CDH20: variants seen among roughly 807,000 people sequenced by gnomAD.
CDH20 encodes cadherin 20.
Under a neutral mutation model 74.2 loss-of-function variants are expected in CDH20, and 29 were observed. The observed-to-expected ratio is 0.39, with a 90% CI of 0.29 to 0.53. CDH20 has a LOEUF of 0.53. CDH20 is among the 20% of genes least tolerant of loss of function. The pLI, the probability that CDH20 is intolerant of heterozygous loss-of-function variation, is 0.69. For synonymous variants in CDH20, 469 were observed against 405.4 expected (o/e 1.16, Z -1.88); for missense variants, 988 against 1,048.3 (o/e 0.94, Z 0.79).
chr18:61,525,694 C>A (rs1912371831), intron 6 of CDH20, among the ~76,000 whole-genome samples: 1 of 151,610 alleles, frequency 6.6e-6, no homozygotes, highest in South Asian at 2.1e-4. Context: ...AAGCAGTAAC[C>A]CAACAACAGC....
At chr18:61,493,054 G>A (rs2062761236) in intron 2 of CDH20, among the ~76,000 whole-genome samples, 1 of 152,110 alleles carries the variant, frequency 6.6e-6, no homozygotes, top group African/African-American at 2.4e-5. Flanking sequence ...TATTAATAGT[G>A]GTAATAGTAA....
At chr18:61,341,926 G>C (rs1361659066) in intron 1 of CDH20, among the ~76,000 whole-genome samples, 1 of 152,032 alleles carries the variant, frequency 6.6e-6, no homozygotes, top group Non-Finnish European at 1.5e-5. Context: ...ATAATATTGG[G>C]AGCATTTATT....
At chr18:61,420,142 T>C (rs1225800894) in intron 1 of CDH20, among the ~76,000 whole-genome samples, 1 of 152,228 alleles carries the variant, frequency 6.6e-6, no homozygotes, top group Non-Finnish European at 1.5e-5. Context: ...ACTGAAACAT[T>C]ACATCTTTCT....
chr18:61,490,414 A>G lies in CDH20; in HGVS notation c.-140A>G, dbSNP rs553884016. 1 of 803,934 alleles carries G rather than the reference A, an allele frequency of 1.2e-6. No individual in the cohort carries two copies. Among genetic ancestry groups the G allele is most frequent in the Admixed American group, 2.4e-5 (1 of 41,966 alleles). The allele number at this position is 803,934 out of a possible 1,614,324, so 49.8% of individuals were successfully genotyped here. A position where few individuals can be genotyped will look rare whatever the true frequency, so the allele number is the denominator to read the frequency against. ...CTTAACTTGACAGGAAGTCAACTTC[A>G]AGCAGATTGACTTGAAACGGGATCT... On this transcript the variant is annotated 5_prime_UTR_variant, in exon 2 of 12. Coordinates refer to ENST00000262717, the MANE Select transcript of CDH20 (RefSeq NM_031891.4).
intron 1 of CDH20, among the ~76,000 whole-genome samples, chr18:61,461,063 G>A (rs1490343772): frequency 6.6e-6 from 1 of 152,050 alleles, no homozygotes; most frequent in African/African-American, 2.4e-5. Flanking sequence ...TAGCAATTTT[G>A]CATTTTGTGA....
Position 61,353,852 on chromosome 18 carries a change from C to A in CDH20, c.-153+20025C>A, listed in dbSNP as rs897664443. ...ATCCCAGCATTTTAGGAGGCCGGGG[C>A]GGTTGGATTGCCTGAACTCTGTAGT... On this transcript the variant is annotated intron_variant, in intron 1 of 11. Transcript: ENST00000262717. This position sits in a 1 kb window ranked among gnomAD's most constrained non-coding sequence, Gnocchi z 4.6. Among the ~76,000 whole-genome samples, 2 of 151,950 alleles carry A rather than the reference C, an allele frequency of 1.3e-5. No homozygotes were observed. The highest frequency in any genetic ancestry group is 2.9e-5 in the Non-Finnish European group (2 of 67,982).
intron 11 of CDH20, among the ~76,000 whole-genome samples, chr18:61,553,341 A>G (rs1040925914): frequency 4.6e-5 from 7 of 152,114 alleles, no homozygotes; most frequent in Non-Finnish European, 1.0e-4. Flanking sequence ...AGAGATAAAT[A>G]GCTCAATGGG....
At chr18:61,504,008 C>T (rs1911475444) in intron 5 of CDH20, among the ~76,000 whole-genome samples, 2 of 138,588 alleles carry the variant, frequency 1.4e-5, no homozygotes, top group South Asian at 5.2e-4. Flanking sequence ...TCCTGGAGCT[C>T]ATTTGAGTAA....
chr18:61,542,769 T>C (rs1913086006), intron 9 of CDH20, among the ~76,000 whole-genome samples: 1 of 152,074 alleles, frequency 6.6e-6, no homozygotes, highest in South Asian at 2.1e-4. Context: ...GCTGCTTCCA[T>C]GCATGGAGGA....
chr18:61,498,003 A>T (rs973707555), intron 2 of CDH20, among the ~76,000 whole-genome samples: 2 of 152,226 alleles, frequency 1.3e-5, no homozygotes, highest in Admixed American at 1.3e-4. Flanking sequence ...CTTGCCACCC[A>T]TACATACTAT....
intron 7 of CDH20, among the ~76,000 whole-genome samples, chr18:61,530,899 C>T (rs1912613610): frequency 6.6e-6 from 1 of 152,220 alleles, no homozygotes. Context: ...AGGATGTCCT[C>T]AGCTAAGTGA....
intron 9 of CDH20, among the ~76,000 whole-genome samples, chr18:61,544,355 A>G (rs1001829967): frequency 1.3e-5 from 2 of 152,238 alleles, no homozygotes; most frequent in African/African-American, 2.4e-5. Flanking sequence ...GACGGCTTGT[A>G]TTAGCTCAAT....
At chr18:61,517,457 C>T (rs143994922) in intron 6 of CDH20, among the ~76,000 whole-genome samples, 2,843 of 152,200 alleles carry the variant, frequency 0.019, 45 homozygotes, top group Non-Finnish European at 0.03. Context: ...CAGGGTGGGG[C>T]GTTACCTCAC....
chr18:61,435,821 G>T lies in CDH20; in HGVS notation c.-152-54581G>T, dbSNP rs187380559. On this transcript the variant is annotated intron_variant, in intron 1 of 11. Transcript: ENST00000262717. ...CCCCCATTTAAAGTGCAAATTCAATGTTTTTTAATATATTCACATAGTTGT... is the reference window on the plus strand; with the variant it reads ...CCCCCATTTAAAGTGCAAATTCAATTTTTTTTAATATATTCACATAGTTGT... 6.7e-3 allele frequency among the ~76,000 whole-genome samples: 1,016 copies of T among 151,942 alleles called. 16 individuals are homozygous for T. The highest frequency in any genetic ancestry group is 0.024 in the African/African-American group (980 of 41,472).
intron 6 of CDH20, among the ~76,000 whole-genome samples, chr18:61,517,933 G>C (rs887132363): frequency 6.6e-6 from 1 of 152,136 alleles, no homozygotes; most frequent in Non-Finnish European, 1.5e-5. Flanking sequence ...GCTTGGTGGA[G>C]GGAGGGGGGT....
At chr18:61,404,034 G>C (rs1396597636) in intron 1 of CDH20, among the ~76,000 whole-genome samples, 2 of 152,140 alleles carry the variant, frequency 1.3e-5, no homozygotes. Flanking sequence ...TGAAGAATGA[G>C]AACACATGGA....
chr18:61,443,416 G>GAAT (rs1216566073), intron 1 of CDH20, among the ~76,000 whole-genome samples: 34 of 152,134 alleles, frequency 2.2e-4, no homozygotes, highest in African/African-American at 7.2e-4. Flanking sequence ...TGAAAATGTG[G>GAAT]AATTTTATTT....
In CDH20 at chr18:61,381,152, G is replaced by T. The variant is rs1022070198; in HGVS notation, c.-153+47325G>T. ...TTTAAACTAAATCACACTTAAAGAA[G>T]AAATTTAAATATCACCAAGTTGTCA... On this transcript the variant is annotated intron_variant, in intron 1 of 11. Coordinates refer to ENST00000262717, the MANE Select transcript of CDH20 (RefSeq NM_031891.4). Among the ~76,000 whole-genome samples the T allele has an allele frequency of 2.3e-4, 35 of 152,132 alleles. 1 individual carries two copies. The highest frequency in any genetic ancestry group is 8.0e-4 in the African/African-American group (33 of 41,430).
At chr18:61,450,607 CCATT>C (rs1246961651) in intron 1 of CDH20, among the ~76,000 whole-genome samples, 2 of 151,978 alleles carry the variant, frequency 1.3e-5, no homozygotes, top group Admixed American at 1.3e-4. Context: ...TCACTATAAG[CCATT>C]CATTCAAAAT....
Sources: allele counts gnomAD v4.1 joint callset (sites outside exome capture counted in the v4.1 genomes callset), GRCh38; gene constraint gnomAD v4.1.1; non-coding constraint Gnocchi (gnomAD v3.1); transcripts MANE v1.5; gene names NCBI Gene and HGNC (gene_info 2026-07-23, HGNC 2026-07-21).